GRM7: variants seen among roughly 807,000 people sequenced by gnomAD.
The protein encoded by GRM7 is metabotropic glutamate receptor 7.
Under a neutral mutation model 84.5 loss-of-function variants are expected in GRM7, and 35 were observed. The ratio of observed to expected loss-of-function variants is 0.41; its 90% CI spans 0.32 to 0.55. The LOEUF is 0.55. Among genes scored for constraint, GRM7 ranks in the 20% least tolerant of loss-of-function variants. The pLI, the probability that GRM7 is intolerant of heterozygous loss-of-function variation, is 0.19. For synonymous variants in GRM7, 487 were observed against 455.1 expected, an observed-to-expected ratio of 1.07 and a Z score of -0.89; for missense variants, 1,003 against 1,194.6, an observed-to-expected ratio of 0.84 and a Z score of 2.36.
chr3:7,572,664 AC>A (rs1286700898), intron 7 of GRM7, among the ~76,000 whole-genome samples: 3 of 150,600 alleles, frequency 2.0e-5, no homozygotes, highest in Non-Finnish European at 4.4e-5. Context: ...CAAAAAAAAT[AC>A]AAAAAAATTA....
intron 2 of GRM7, among the ~76,000 whole-genome samples, chr3:7,153,203 A>G (rs1306237515): frequency 1.1e-5 from 1 of 91,128 alleles, no homozygotes; most frequent in Non-Finnish European, 2.2e-5. Flanking sequence ...TTATTTTCTG[A>G]TTTTGTTTCC....
intron 4 of GRM7, among the ~76,000 whole-genome samples, chr3:7,363,249 T>C (rs2125107682): frequency 6.6e-6 from 1 of 152,134 alleles, no homozygotes; most frequent in African/African-American, 2.4e-5. Context: ...TAACAGTCTA[T>C]GTGAATCACA....
intron 4 of GRM7, among the ~76,000 whole-genome samples, chr3:7,380,544 A>G (rs898229555): frequency 7.2e-5 from 11 of 152,194 alleles, no homozygotes; most frequent in African/African-American, 2.2e-4. Context: ...GAGATTGAGC[A>G]CATATTAGCA....
In GRM7 at chr3:7,302,931, A is replaced by ATTTTTTTTTTTTTTTTTTTTT. The variant is rs761399796; in HGVS notation, c.879-3563_879-3543dup. The stretch of plus-strand genomic sequence containing the variant: ...AGAAGTATTAACATTTGATTGTTCT[A>ATTTTTTTTTTTTTTTTTTTTT]TTTTTTTTTTTTTTTTTTTTTTTTG... On this transcript the variant is annotated intron_variant, in intron 3 of 9. Transcript: ENST00000357716. Among the ~76,000 whole-genome samples, 23 of 121,930 alleles carry ATTTTTTTTTTTTTTTTTTTTT rather than the reference A, an allele frequency of 1.9e-4. 1 individual carries two copies. Among genetic ancestry groups the ATTTTTTTTTTTTTTTTTTTTT allele is most frequent in the African/African-American group, 5.2e-4 (14 of 27,176 alleles). The allele number at this position is 121,930 out of a possible 152,430, so 80.0% of individuals were successfully genotyped here.
At chr3:7,657,689 G>A (rs1159899905) in intron 8 of GRM7, among the ~76,000 whole-genome samples, 2 of 152,152 alleles carry the variant, frequency 1.3e-5, no homozygotes, top group East Asian at 1.9e-4. Context: ...CGTTTTTGGA[G>A]AGCCTCATAG....
At chr3:7,083,583 C>G (rs1405711392) in intron 1 of GRM7, among the ~76,000 whole-genome samples, 1 of 152,088 alleles carries the variant, frequency 6.6e-6, no homozygotes, top group Non-Finnish European at 1.5e-5. Flanking sequence ...ATCACTCTTT[C>G]TGTAGGCCTG....
chr3:7,330,269 C>T (rs1234219042), intron 4 of GRM7, among the ~76,000 whole-genome samples: 1 of 152,118 alleles, frequency 6.6e-6, no homozygotes, highest in South Asian at 2.1e-4. Flanking sequence ...TTCAGTGATT[C>T]TATAATGGTA....
At chr3:7,447,902 C>A (rs1158613168) in intron 5 of GRM7, among the ~76,000 whole-genome samples, 25 of 98,802 alleles carry the variant, frequency 2.5e-4, no homozygotes, top group Non-Finnish European at 4.2e-4. Flanking sequence ...CTCCCCCCTC[C>A]CCCCACCCCA....
rs570022789 is a variant in GRM7 at position 7,605,129 on chromosome 3, A to T, written c.2451+25772A>T. 8.5e-5 allele frequency among the ~76,000 whole-genome samples: 13 copies of T among 152,216 alleles called. No individual in the cohort carries two copies. In the South Asian group the frequency reaches 2.7e-3, roughly 32 times the overall value. ...CTGAAAATTTTGGTATCATCTGAAA[A>T]ACTGCCCAGATGATGCCTTCTGATT... is the stretch of plus-strand genomic sequence containing the variant. On this transcript the variant is annotated intron_variant, in intron 8 of 9. Transcript: ENST00000357716.
intron 8 of GRM7, among the ~76,000 whole-genome samples, chr3:7,603,779 A>G (rs145889190): frequency 1.3e-5 from 2 of 152,266 alleles, no homozygotes; most frequent in African/African-American, 4.8e-5. Context: ...TTTGGAGGTA[A>G]TTTTTAAAAA....
intron 1 of GRM7, among the ~76,000 whole-genome samples, chr3:6,919,995 T>C (rs1405468134): frequency 6.6e-6 from 1 of 150,716 alleles, no homozygotes; most frequent in Non-Finnish European, 1.5e-5. Context: ...ATACAATTTT[T>C]ATAAAGTTGA....
chr3:7,014,466 A>C (rs1695492084), intron 1 of GRM7, among the ~76,000 whole-genome samples: 1 of 151,990 alleles, frequency 6.6e-6, no homozygotes, highest in African/African-American at 2.4e-5. Flanking sequence ...TCAGCCTCAA[A>C]GAGTAGCTGG....
At chr3:7,230,856 G>GCATAAAAC (rs1697170786) in intron 2 of GRM7, among the ~76,000 whole-genome samples, 2 of 152,300 alleles carry the variant, frequency 1.3e-5, no homozygotes, top group Non-Finnish European at 2.9e-5. Context: ...AGCAGCTATT[G>GCATAAAAC]CATAAAACCC....
chr3:7,492,232 T>A (rs1285667783), intron 7 of GRM7, among the ~76,000 whole-genome samples: 1 of 152,182 alleles, frequency 6.6e-6, no homozygotes, highest in African/African-American at 2.4e-5. Flanking sequence ...ATAAAATGAG[T>A]TGGGGAGTGC....
chr3:6,981,491 G>A (rs1245447299), intron 1 of GRM7, among the ~76,000 whole-genome samples: 1 of 152,196 alleles, frequency 6.6e-6, no homozygotes, highest in Non-Finnish European at 1.5e-5. Context: ...AGAGGCTGAT[G>A]TTGGCATAGG....
At chr3:6,917,176 G>A (rs1487229501) in intron 1 of GRM7, among the ~76,000 whole-genome samples, 1 of 152,044 alleles carries the variant, frequency 6.6e-6, no homozygotes, top group African/African-American at 2.4e-5. Context: ...TGAGAATTTG[G>A]TAAGAGGTTA....
intron 7 of GRM7, among the ~76,000 whole-genome samples, chr3:7,537,299 C>T (rs1701278871): frequency 6.6e-6 from 1 of 151,992 alleles, no homozygotes; most frequent in African/African-American, 2.4e-5. Context: ...AGGTATCTAC[C>T]CTCTTAACTA....
In GRM7 at chr3:7,296,253, T is replaced by C. The variant is rs1008794875; in HGVS notation, c.737-2431T>C. ...TTGAATAAAACCCACTCAATCCTAA[T>C]GTATTATCTTTTTAAAAATTGTTGC... On this transcript the variant is annotated intron_variant, in intron 2 of 9. Transcript: ENST00000357716. Among the ~76,000 whole-genome samples, 11 of 152,258 alleles carry C rather than the reference T, an allele frequency of 7.2e-5. 1 individual carries two copies. In the South Asian group the frequency reaches 1.7e-3, roughly 23 times the overall value.
At chr3:7,361,520 T>G (rs1407966413) in intron 4 of GRM7, among the ~76,000 whole-genome samples, 2 of 152,132 alleles carry the variant, frequency 1.3e-5, no homozygotes, top group Non-Finnish European at 2.9e-5. Flanking sequence ...CAGTTCTTGC[T>G]AAGACTCACA....
Sources: allele counts gnomAD v4.1 joint callset (sites outside exome capture counted in the v4.1 genomes callset), GRCh38; gene constraint gnomAD v4.1.1; transcripts MANE v1.5; gene names NCBI Gene and HGNC (gene_info 2026-07-23, HGNC 2026-07-21).